GREM2: variants seen among roughly 807,000 people sequenced by gnomAD.
GREM2 encodes the protein gremlin 2, DAN family BMP antagonist.
A neutral mutation model predicts 14.2 loss-of-function variants in GREM2; 11 were observed. The observed-to-expected ratio is 0.78, with a 90% confidence interval of 0.49 to 1.28. The LOEUF (loss-of-function observed/expected upper bound fraction) is 1.28. Among genes scored for constraint, GREM2 ranks in the 50% most tolerant of loss-of-function variants. The pLI is 0.00. For synonymous variants in GREM2, 98 were observed against 97.6 expected (o/e 1.00, Z -0.02); for missense variants, 210 against 218.5 (o/e 0.96, Z 0.24).
intron 1 of GREM2, among the ~76,000 whole-genome samples, chr1:240,550,560 A>AGTAGT (rs1342901203): frequency 1.3e-5 from 2 of 152,128 alleles, no homozygotes; most frequent in African/African-American, 4.8e-5. Flanking sequence ...GTACTTGGGG[A>AGTAGT]GTAGTGGGGA....
At chr1:240,571,620 C>A (rs555541747) in intron 1 of GREM2, among the ~76,000 whole-genome samples, 1 of 152,152 alleles carries the variant, frequency 6.6e-6, no homozygotes, top group East Asian at 1.9e-4. Context: ...CTCTTTTGTA[C>A]CCGGGAGGCA....
intron 1 of GREM2, among the ~76,000 whole-genome samples, chr1:240,497,706 C>A (rs1286044280): frequency 1.3e-5 from 2 of 150,530 alleles, no homozygotes; most frequent in East Asian, 3.9e-4. Context: ...AATTTTAACG[C>A]CTCATTTTTA....
At chr1:240,566,104 T>C (rs1273660336) in intron 1 of GREM2, among the ~76,000 whole-genome samples, 1 of 152,142 alleles carries the variant, frequency 6.6e-6, no homozygotes, top group Non-Finnish European at 1.5e-5. Context: ...ATTTGTACCA[T>C]TAAGCTTTAA....
intron 1 of GREM2, among the ~76,000 whole-genome samples, chr1:240,570,914 A>G (rs1026528923): frequency 2.0e-5 from 3 of 152,226 alleles, no homozygotes; most frequent in African/African-American, 7.2e-5. Context: ...GAATGGACAG[A>G]GACTGACTCT....
intron 1 of GREM2, among the ~76,000 whole-genome samples, chr1:240,537,770 C>T (rs1172744291): frequency 6.8e-6 from 1 of 147,216 alleles, no homozygotes; most frequent in African/African-American, 2.6e-5. Flanking sequence ...GGCAATATGG[C>T]AAGGCTCTGT....
Position 240,492,743 on chromosome 1 carries a change from TAGGGGGCAC to T in GREM2, c.*217_*225del, listed in dbSNP as rs1677287649. On this transcript the variant is annotated 3_prime_UTR_variant, in exon 2 of 2. Transcript: ENST00000318160. ...TTCGGGCCTGATCCACCGCCTGGTT[TAGGGGGCAC>T]AGGTGGGACCCGGGGTCGGTCAGGA... 2.9e-6 allele frequency: 1 copy of T among 349,180 alleles called. No homozygotes were observed. Among genetic ancestry groups the T allele is most frequent in the African/African-American group, 2.1e-5 (1 of 46,646 alleles). The allele number at this position is 349,180 out of a possible 1,614,324, so 21.6% of individuals were successfully genotyped here.
chr1:240,509,687 C>T (rs1377771070), intron 1 of GREM2, among the ~76,000 whole-genome samples: 2 of 152,054 alleles, frequency 1.3e-5, no homozygotes, highest in African/African-American at 4.8e-5. Context: ...CTCTTATGAC[C>T]TCCCTGCCCC....
At chr1:240,550,338 AG>A (rs1263448594) in intron 1 of GREM2, 1 of 152,190 alleles carries the variant, frequency 6.6e-6, no homozygotes, top group African/African-American at 2.4e-5. Flanking sequence ...ACTGATTACT[AG>A]GGGAACTAGC....
chr1:240,535,120 T>A (rs929408076), intron 1 of GREM2, among the ~76,000 whole-genome samples: 2 of 152,136 alleles, frequency 1.3e-5, no homozygotes, highest in African/African-American at 4.8e-5. Context: ...TTAAATATAA[T>A]TATAAAGACA....
chr1:240,555,763 G>C (rs1678944440), intron 1 of GREM2, among the ~76,000 whole-genome samples: 1 of 152,180 alleles, frequency 6.6e-6, no homozygotes, highest in African/African-American at 2.4e-5. Flanking sequence ...GTACTGGAAA[G>C]ATATTTAAAG....
chr1:240,596,114 C>T (rs1045578505), intron 1 of GREM2, among the ~76,000 whole-genome samples: 40 of 152,058 alleles, frequency 2.6e-4, no homozygotes, highest in African/African-American at 9.2e-4. Context: ...GCTGAATGAT[C>T]GGTAGGCATT....
Position 240,556,749 on chromosome 1 carries a change from G to A in GREM2, c.-2+55135C>T, listed in dbSNP as rs190595487. Among the ~76,000 whole-genome samples the A allele has an allele frequency of 1.8e-3, 275 of 152,260 alleles. 3 individuals carry two copies. The highest frequency in any genetic ancestry group is 5.9e-3 in the African/African-American group (245 of 41,566). ...AAACAGCAAGGAATAAAAAATGACA[G>A]AAATTGGAAGATAAACTTGAAGAAA... On this transcript the variant is annotated intron_variant, in intron 1 of 1. Coordinates refer to ENST00000318160, the MANE Select transcript of GREM2 (RefSeq NM_022469.4).
intron 1 of GREM2, among the ~76,000 whole-genome samples, chr1:240,509,131 G>A (rs544153793): frequency 6.6e-6 from 1 of 152,172 alleles, no homozygotes. Flanking sequence ...AGATGTGAGG[G>A]AGAGGATTTG....
At chr1:240,496,480 C>T (rs1415960114) in intron 1 of GREM2, among the ~76,000 whole-genome samples, 4 of 152,184 alleles carry the variant, frequency 2.6e-5, no homozygotes, top group Non-Finnish European at 4.4e-5. Context: ...ACCTCTGTAG[C>T]GAAGGCTTAG....
intron 1 of GREM2, among the ~76,000 whole-genome samples, chr1:240,573,851 T>C (rs1679306438): frequency 6.6e-6 from 1 of 152,158 alleles, no homozygotes; most frequent in African/African-American, 2.4e-5. Flanking sequence ...AACCCTGAGC[T>C]AGGGGTCTCA....
intron 1 of GREM2, among the ~76,000 whole-genome samples, chr1:240,522,136 C>A (rs112440476): frequency 2.5e-3 from 342 of 135,908 alleles, no homozygotes; most frequent in African/African-American, 5.4e-3. Context: ...AAAAAAAAAA[C>A]AAAAACAAAC....
intron 1 of GREM2, among the ~76,000 whole-genome samples, chr1:240,595,108 G>A (rs538321658): frequency 2.0e-5 from 3 of 152,170 alleles, no homozygotes; most frequent in Non-Finnish European, 2.9e-5. Flanking sequence ...AAGTATGGCC[G>A]GGCGTGGTGG....
At chr1:240,521,883 G>A (rs1678107627) in intron 1 of GREM2, among the ~76,000 whole-genome samples, 1 of 151,928 alleles carries the variant, frequency 6.6e-6, no homozygotes, top group African/African-American at 2.4e-5. Context: ...AGGCCGAGGT[G>A]GGCAGATTAC....
chr1:240,531,335 T>C (rs985733336), intron 1 of GREM2, among the ~76,000 whole-genome samples: 5 of 152,216 alleles, frequency 3.3e-5, no homozygotes, highest in Non-Finnish European at 7.3e-5. Context: ...ATTACAACTT[T>C]AAATTTTTCT....
Sources: allele counts gnomAD v4.1 joint callset (sites outside exome capture counted in the v4.1 genomes callset), GRCh38; gene constraint gnomAD v4.1.1; transcripts MANE v1.5; gene names NCBI Gene and HGNC (gene_info 2026-07-23, HGNC 2026-07-21).